SLC9C2: variants seen among roughly 807,000 people sequenced by gnomAD.
SLC9C2 encodes the protein solute carrier family 9 member C2 (putative).
A neutral mutation model predicts 140.2 loss-of-function variants in SLC9C2; 75 were observed. The ratio of observed to expected loss-of-function variants is 0.53; its 90% CI spans 0.44 to 0.65. SLC9C2 has a LOEUF of 0.65. Ranked by LOEUF, SLC9C2 falls within the 30% of genes least tolerant of loss-of-function variation. The pLI, the probability that SLC9C2 is intolerant of heterozygous loss-of-function variation, is 0.00. For missense variants in SLC9C2, 1,074 were observed against 1,331.8 expected (o/e 0.81, Z 3.01); for synonymous variants, 375 against 420.9 (o/e 0.89, Z 1.34).
chr1:173,571,861 T>C (rs1664862229), intron 9 of SLC9C2: 3 of 152,210 alleles, frequency 2.0e-5, no homozygotes, highest in African/African-American at 4.8e-5. Flanking sequence ...TGATAATTTC[T>C]TTGGGGAATC....
At chr1:173,501,473 T>C (rs1037078297) in intron 27 of SLC9C2, among the ~76,000 whole-genome samples, 1 of 151,512 alleles carries the variant, frequency 6.6e-6, no homozygotes, top group Non-Finnish European at 1.5e-5. Context: ...TGAGACAAGA[T>C]AGTAACAAAT....
At chr1:173,501,246 T>C (rs1659243915) in intron 27 of SLC9C2, 149 bp from the exon 28 acceptor site, 1 of 753,470 alleles carries the variant, frequency 1.3e-6, no homozygotes, top group Non-Finnish European at 1.9e-6. Context: ...ATGAAGAGTT[T>C]TGAGTGATGC....
At chr1:173,501,168 G>A (rs1659239917) in intron 27 of SLC9C2, 71 bp from the exon 28 acceptor site, 1 of 1,417,328 alleles carries the variant, frequency 7.1e-7, no homozygotes, top group Non-Finnish European at 9.4e-7. Flanking sequence ...CCTATTAAAT[G>A]GAACCAGAAA....
chr1:173,565,021 G>A (rs1664382562), intron 9 of SLC9C2, among the ~76,000 whole-genome samples: 1 of 138,592 alleles, frequency 7.2e-6, no homozygotes, highest in Non-Finnish European at 1.5e-5. Flanking sequence ...AGGCTGGAGT[G>A]CAGTGGTGCA....
intron 9 of SLC9C2, among the ~76,000 whole-genome samples, chr1:173,557,962 C>T (rs1289449037): frequency 1.3e-5 from 2 of 152,068 alleles, no homozygotes; most frequent in South Asian, 2.1e-4. Context: ...GTTTATTGAG[C>T]TCCCACAAGA....
chr1:173,523,423 C>A (rs1334788109), intron 21 of SLC9C2, among the ~76,000 whole-genome samples: 1 of 152,146 alleles, frequency 6.6e-6, no homozygotes, highest in Non-Finnish European at 1.5e-5. Context: ...AAAGTAGGGA[C>A]TTCATCTGTT....
At chr1:173,531,307 C>T (rs1344848685) in intron 17 of SLC9C2, among the ~76,000 whole-genome samples, 1 of 152,206 alleles carries the variant, frequency 6.6e-6, no homozygotes, top group Non-Finnish European at 1.5e-5. Flanking sequence ...TTGCTGCCCA[C>T]ACTCTAAATG....
intron 9 of SLC9C2, among the ~76,000 whole-genome samples, 164 bp from the exon 10 acceptor site, chr1:173,557,672 T>C (rs1663806685): frequency 6.6e-6 from 1 of 152,188 alleles, no homozygotes. Context: ...ACTAACCAAA[T>C]CTACTATTTA....
intron 9 of SLC9C2, among the ~76,000 whole-genome samples, chr1:173,569,614 T>C (rs61828910): frequency 0.14 from 21,117 of 151,986 alleles, 1,773 homozygotes; most frequent in East Asian, 0.32. Flanking sequence ...TATTTCCTAG[T>C]AGGTGTGCCG....
chr1:173,569,387 G>A (rs12033786), intron 9 of SLC9C2, among the ~76,000 whole-genome samples: 20,996 of 151,504 alleles, frequency 0.14, 1,720 homozygotes, highest in East Asian at 0.31. Context: ...TTCTTTATCC[G>A]TGATCTTTGG....
At chr1:173,544,822 A>G (rs1336503953) in intron 13 of SLC9C2, among the ~76,000 whole-genome samples, 9 of 152,186 alleles carry the variant, frequency 5.9e-5, no homozygotes, top group Non-Finnish European at 1.0e-4. Flanking sequence ...ACACTTGGAC[A>G]CAGGGCGGGG....
intron 22 of SLC9C2, among the ~76,000 whole-genome samples, chr1:173,520,078 A>G (rs745573): frequency 0.2 from 30,549 of 151,998 alleles, 4,266 homozygotes; most frequent in East Asian, 0.65. Flanking sequence ...AACCCGACGG[A>G]CAGACCTTGC....
At position 173,583,511 on chromosome 1, in the gene SLC9C2, A is replaced by C. The variant is rs1178697145; in HGVS notation, c.635T>G (p.Phe212Cys). 6.3e-7 allele frequency: 1 copy of C among 1,578,012 alleles called. No homozygotes were observed. Among genetic ancestry groups the C allele is most frequent in the South Asian group, 1.2e-5 (1 of 86,732 alleles). Residue 212 changes from phenylalanine to cysteine, a missense_variant, in exon 6 of 28, where the codon TTT becomes TGT. Phe to Cys is a radical substitution (Grantham distance 205). Coordinates refer to ENST00000367714, the MANE Select transcript of SLC9C2 (RefSeq NM_178527.4). Reference protein sequence around the residue: ...FRGNRIHFSIFRDLHVGIELS... With the variant: ...FRGNRIHFSICRDLHVGIELS... ...CAGACAAAAAATGCTCCTACCTCTA[A>C]AAATAGAAAAGTGGATTCTGTTGCC...
Position 173,503,448 on chromosome 1 carries a change from C to A in SLC9C2, c.3311-122G>T, listed in dbSNP as rs1055952973. ...TATAAGTTTCCCTTTTCCCTTCCCC[C>A]TCTCAAATGTCCCTGTTTTTCTTCC... is the stretch of plus-strand genomic sequence containing the variant. On this transcript the variant is annotated intron_variant, in intron 26 of 27. Transcript: ENST00000367714. The A allele has an allele frequency of 2.2e-5, 19 of 859,490 alleles. No individual in the cohort carries two copies. In the African/African-American group the frequency reaches 3.2e-4, roughly 15 times the overall value. 53.2% of individuals were successfully genotyped at this position (859,490 alleles called of 1,614,324 possible).
At chr1:173,584,290 G>A (rs532077988) in intron 5 of SLC9C2, among the ~76,000 whole-genome samples, 4 of 152,206 alleles carry the variant, frequency 2.6e-5, no homozygotes, top group South Asian at 4.1e-4. Flanking sequence ...TGAAATGTCC[G>A]TGATAGACAG....
chr1:173,524,610 G>A (rs1378997965), intron 20 of SLC9C2, among the ~76,000 whole-genome samples, 169 bp downstream of exon 20: 1 of 152,198 alleles, frequency 6.6e-6, no homozygotes, highest in Non-Finnish European at 1.5e-5. Context: ...CAAATGGAGT[G>A]TACCGGATTG....
chr1:173,507,110 T>G, intron 24 of SLC9C2, 69 bp from the exon 25 acceptor site: 12 of 1,195,538 alleles, frequency 1.0e-5, no homozygotes, highest in Non-Finnish European at 1.4e-5. Flanking sequence ...AGAAAACAGA[T>G]TTACTGATCT....
rs58355008 is a variant in SLC9C2 at position 173,521,885 on chromosome 1, C to CAAAAAAAAAAA, written c.2641-497_2641-487dup. On this transcript the variant is annotated intron_variant, in intron 21 of 27. Coordinates refer to ENST00000367714, the MANE Select transcript of SLC9C2 (RefSeq NM_178527.4). ...AAGAAGACAGGGACAGGGCGCTATG[C>CAAAAAAAAAAA]AAAAAAAAAAAAAAAAAAAAAAATG... 9.1e-5 allele frequency among the ~76,000 whole-genome samples: 7 copies of CAAAAAAAAAAA among 76,940 alleles called. No individual in the cohort carries two copies. In the East Asian group the frequency reaches 1.0e-3, roughly 11 times the overall value. 50.5% of individuals were successfully genotyped at this position (76,940 alleles called of 152,430 possible).
chr1:173,576,791 A>T, intron 7 of SLC9C2, 31 bp from the exon 8 acceptor site: 1 of 1,331,932 alleles, frequency 7.5e-7, no homozygotes, highest in Non-Finnish European at 1.1e-6. Flanking sequence ...AATGAATCAA[A>T]TGCAATGTAT....
Sources: gnomAD v4.1 joint callset for allele counts (sites outside exome capture counted in the v4.1 genomes callset) on GRCh38, gnomAD v4.1.1 for gene constraint, MANE v1.5 for transcripts, NCBI Gene and HGNC (gene_info 2026-07-23, HGNC 2026-07-21) for gene names.